PRSS3: variants seen among roughly 807,000 people sequenced by gnomAD.
PRSS3 encodes the protein trypsin-3.
In PRSS3, 14 loss-of-function variants were observed where a neutral mutation model predicts 20.8. That is an observed-to-expected ratio of 0.67 (90% CI 0.44 to 1.05). The LOEUF is 1.05. Ranked by LOEUF, PRSS3 falls within the 50% of genes least tolerant of loss-of-function variation. The pLI is 0.00. For synonymous variants in PRSS3, 91 were observed against 117.6 expected (o/e 0.77, Z 1.46); for missense variants, 237 against 306.4 (o/e 0.77, Z 1.69).
intron 1 of PRSS3, among the ~76,000 whole-genome samples, chr9:33,788,710 C>G (rs758770634): frequency 2.4e-4 from 37 of 152,088 alleles, no homozygotes; most frequent in Non-Finnish European, 4.7e-4. Context: ...CTCTCGGGGC[C>G]AAAACTTAAA....
At chr9:33,773,266 G>A (rs1330658341) in intron 1 of PRSS3, among the ~76,000 whole-genome samples, 5 of 152,132 alleles carry the variant, frequency 3.3e-5, no homozygotes, top group Non-Finnish European at 1.5e-5. Context: ...AGGATCCAAT[G>A]ATCTCCCTAG....
At chr9:33,772,336 A>C (rs1360600265) in intron 1 of PRSS3, among the ~76,000 whole-genome samples, 1 of 151,902 alleles carries the variant, frequency 6.6e-6, no homozygotes, top group East Asian at 1.9e-4. Context: ...CATTGCTGAT[A>C]CTCTGGGCCA....
intron 4 of PRSS3, 97 bp from the exon 5 acceptor site, chr9:33,798,931 A>AGCTG: frequency 6.8e-7 from 1 of 1,473,922 alleles, no homozygotes; most frequent in Non-Finnish European, 9.4e-7. Context: ...GGAGCCACAG[A>AGCTG]GCTGGCTGGA....
intron 1 of PRSS3, among the ~76,000 whole-genome samples, chr9:33,795,829 C>T (rs149303535): frequency 0.023 from 2,266 of 97,086 alleles, no homozygotes; most frequent in African/African-American, 0.054. Context: ...CATCCATATC[C>T]GAGCTGTGGT....
At chr9:33,770,442 T>C (rs1823635243) in intron 1 of PRSS3, among the ~76,000 whole-genome samples, 2 of 152,074 alleles carry the variant, frequency 1.3e-5, no homozygotes, top group African/African-American at 4.8e-5. Flanking sequence ...TCTGGCACTG[T>C]TGGGATGGGG....
At chr9:33,785,931 C>A in intron 1 of PRSS3, 1 of 172,940 alleles carries the variant, frequency 5.8e-6, no homozygotes, top group Non-Finnish European at 1.2e-5. Context: ...TTGCTCTACA[C>A]CCAGACAGTA....
intron 1 of PRSS3, among the ~76,000 whole-genome samples, chr9:33,754,621 G>A (rs1822856274): frequency 6.6e-6 from 1 of 151,900 alleles, no homozygotes; most frequent in Admixed American, 6.6e-5. Flanking sequence ...CCTGAGGTCA[G>A]GAGTTCAAGA....
intron 1 of PRSS3, among the ~76,000 whole-genome samples, chr9:33,756,405 G>GGT (rs1161258911): frequency 3.3e-5 from 5 of 151,998 alleles, no homozygotes; most frequent in African/African-American, 1.2e-4. Flanking sequence ...GATACAGGGA[G>GGT]GTATCAGTCA....
intron 1 of PRSS3, among the ~76,000 whole-genome samples, chr9:33,766,688 T>C (rs1045523373): frequency 6.6e-6 from 1 of 152,210 alleles, no homozygotes; most frequent in Non-Finnish European, 1.5e-5. Flanking sequence ...TTGTATGATT[T>C]AATTTATATA....
chr9:33,792,129 T>G (rs1824658802), upstream of PRSS3, among the ~76,000 whole-genome samples: 1 of 152,100 alleles, frequency 6.6e-6, no homozygotes. Flanking sequence ...CAATTCCTTA[T>G]TGGATAAAGC....
chr9:33,775,741 C>T (rs1823895016), intron 1 of PRSS3, among the ~76,000 whole-genome samples: 1 of 139,054 alleles, frequency 7.2e-6, no homozygotes, highest in African/African-American at 2.7e-5. Flanking sequence ...CTCACTCTGT[C>T]GCCCAGGCTG....
intron 1 of PRSS3, among the ~76,000 whole-genome samples, chr9:33,771,880 T>A (rs893666903): frequency 3.3e-5 from 5 of 150,162 alleles, no homozygotes; most frequent in Admixed American, 3.3e-4. Context: ...TTTCTTTTTT[T>A]TTTTTTTTTG....
intron 1 of PRSS3, among the ~76,000 whole-genome samples, chr9:33,766,650 CATT>C (rs1242472360): frequency 6.6e-6 from 1 of 152,024 alleles, no homozygotes; most frequent in African/African-American, 2.4e-5. Context: ...ATCTTGAAAA[CATT>C]ATGCTGAGGG....
chr9:33,794,235 C>T (rs531672109), upstream of PRSS3, among the ~76,000 whole-genome samples: 1 of 151,936 alleles, frequency 6.6e-6, no homozygotes, highest in Non-Finnish European at 1.5e-5. Flanking sequence ...AACATCTCTG[C>T]TTCTTTTACT....
Position 33,750,927 on chromosome 9 carries a change from G to C in PRSS3, c.-53+200G>C, listed in dbSNP as rs905413666. 2 of 1,241,574 alleles carry C rather than the reference G, an allele frequency of 1.6e-6. No individual in the cohort carries two copies. The highest frequency in any genetic ancestry group is 2.1e-6 in the Non-Finnish European group (2 of 972,768). The allele number at this position is 1,241,574 out of a possible 1,614,324, so 76.9% of individuals were successfully genotyped here. ...ATGGAGGCTCCTCTAGGGGAGGACG[G>C]GAGGGGATGGAGGGCCCTGGTGTCG... is the stretch of plus-strand genomic sequence containing the variant. On this transcript the variant is annotated intron_variant, in intron 1 of 5. Coordinates refer to the PRSS3 transcript ENST00000342836. This position sits in a 1 kb window ranked among gnomAD's most constrained non-coding sequence, Gnocchi z 4.8.
At chr9:33,798,964 G>A (rs1448878181) in intron 4 of PRSS3, 64 bp from the exon 5 acceptor site, 4 of 1,581,810 alleles carry the variant, frequency 2.5e-6, no homozygotes, top group African/African-American at 1.3e-5. Flanking sequence ...AAGGTTCACA[G>A]TAAATGTAGC....
At chr9:33,770,437 C>A (rs1823634951) in intron 1 of PRSS3, among the ~76,000 whole-genome samples, 1 of 152,030 alleles carries the variant, frequency 6.6e-6, no homozygotes, top group South Asian at 2.1e-4. Context: ...AGACTTCTGG[C>A]ACTGTTGGGA....
intron 1 of PRSS3, among the ~76,000 whole-genome samples, chr9:33,779,935 T>C (rs1230871059): frequency 1.1e-4 from 15 of 138,180 alleles, no homozygotes; most frequent in African/African-American, 4.2e-4. Context: ...ATATAAAATC[T>C]ATGACTCATT....
chr9:33,750,892 AG>A lies in PRSS3; in HGVS notation c.-53+168del. 4 of 1,355,808 alleles carry A rather than the reference AG, an allele frequency of 3.0e-6. No homozygotes were observed. The highest frequency in any genetic ancestry group is 3.8e-6 in the Non-Finnish European group (4 of 1,058,110). 84.0% of individuals were successfully genotyped at this position (1,355,808 alleles called of 1,614,324 possible). ...AGGGGATACCGACTGGGAGGGGCTC[AG>A]GGACAGGGATGGAGGCTCCTCTAGG... On this transcript the variant is annotated intron_variant, in intron 1 of 5. Coordinates refer to the PRSS3 transcript ENST00000342836. The surrounding 1 kb of genome is among the most constrained non-coding windows in gnomAD (Gnocchi z 4.8).
Sources: allele counts gnomAD v4.1 joint callset (sites outside exome capture counted in the v4.1 genomes callset), GRCh38; gene constraint gnomAD v4.1.1; non-coding constraint Gnocchi (gnomAD v3.1); transcripts MANE v1.5; gene names NCBI Gene and HGNC (gene_info 2026-07-23, HGNC 2026-07-21).